Variants in EPHA4 observed in about 807,000 individuals in gnomAD.
EPHA4 encodes EPH receptor A4.
A neutral mutation model predicts 108.3 loss-of-function variants in EPHA4; 19 were observed. The observed-to-expected ratio is 0.18, with a 90% confidence interval of 0.12 to 0.26. EPHA4 has a LOEUF of 0.26. EPHA4 is among the 10% of genes least tolerant of loss of function. The pLI is 1.00. For missense variants in EPHA4, 917 were observed against 1,254.0 expected (o/e 0.73, Z 4.06); for synonymous variants, 449 against 455.5 (o/e 0.99, Z 0.18).
intron 3 of EPHA4, among the ~76,000 whole-genome samples, chr2:221,530,717 T>G (rs1260029230): frequency 1.3e-5 from 2 of 152,206 alleles, no homozygotes; most frequent in Non-Finnish European, 2.9e-5. Flanking sequence ...AATTCTGTTC[T>G]CTGGCTCCAT....
chr2:221,426,190 A>G (rs1689903287), intron 16 of EPHA4, 48 bp from the exon 17 acceptor site: 1 of 1,502,428 alleles, frequency 6.7e-7, no homozygotes, highest in African/African-American at 1.4e-5. Context: ...ACAGGGACTG[A>G]CAATCTCTTT....
intron 3 of EPHA4, among the ~76,000 whole-genome samples, chr2:221,554,151 G>A (rs1374939621): frequency 6.6e-6 from 1 of 152,168 alleles, no homozygotes; most frequent in African/African-American, 2.4e-5. Context: ...TGACACCAGG[G>A]AACACACCAT....
intron 5 of EPHA4, among the ~76,000 whole-genome samples, chr2:221,468,515 C>G (rs1419327136): frequency 1.3e-5 from 2 of 152,172 alleles, no homozygotes; most frequent in African/African-American, 4.8e-5. Context: ...AGCTGCTAAT[C>G]GTCCTGCTGT....
At chr2:221,523,319 C>T (rs1238182971) in intron 3 of EPHA4, among the ~76,000 whole-genome samples, 1 of 151,950 alleles carries the variant, frequency 6.6e-6, no homozygotes, top group Non-Finnish European at 1.5e-5. Flanking sequence ...CGCAGTTTCC[C>T]TCTTGTTGCC....
intron 3 of EPHA4, among the ~76,000 whole-genome samples, chr2:221,515,147 G>A (rs1236097923): frequency 6.6e-6 from 1 of 152,172 alleles, no homozygotes; most frequent in Non-Finnish European, 1.5e-5. Context: ...CCAGGCTGGA[G>A]TACAATGGCA....
At chr2:221,541,847 C>T (rs964492325) in intron 3 of EPHA4, among the ~76,000 whole-genome samples, 2 of 152,174 alleles carry the variant, frequency 1.3e-5, no homozygotes, top group Admixed American at 6.5e-5. Flanking sequence ...GGCACCCAGA[C>T]GTTACCAAAT....
chr2:221,572,862 T>C (rs1694892277), upstream of EPHA4: 2 of 152,464 alleles, frequency 1.3e-5, no homozygotes, highest in African/African-American at 4.8e-5. Context: ...TGAAATACTC[T>C]TTGCGGGGAG....
chr2:221,463,144 T>G (rs1200087751), intron 5 of EPHA4, among the ~76,000 whole-genome samples: 1 of 152,184 alleles, frequency 6.6e-6, no homozygotes, highest in Non-Finnish European at 1.5e-5. Flanking sequence ...GCAGTCATAG[T>G]GTGGGCGAGC....
chr2:221,561,843 A>G (rs1403674915), intron 3 of EPHA4, among the ~76,000 whole-genome samples: 1 of 152,230 alleles, frequency 6.6e-6, no homozygotes, highest in Non-Finnish European at 1.5e-5. Context: ...GAGAGTGAAC[A>G]TTTTAGCAGG....
chr2:221,436,392 T>C lies in EPHA4; in HGVS notation c.2346+7A>G. On this transcript the variant is annotated splice_region_variant and intron_variant, in intron 13 of 17. Coordinates refer to ENST00000281821, the MANE Select transcript of EPHA4 (RefSeq NM_004438.5). The stretch of plus-strand genomic sequence containing the variant: ...GTGAAAGCCCAGATGTCACCGATCT[T>C]TCTTACCCTGGTGGTGTAAGCTGCT... 1 of 1,613,782 alleles carries C rather than the reference T, an allele frequency of 6.2e-7. No individual in the cohort carries two copies. Among genetic ancestry groups the C allele is most frequent in the Non-Finnish European group, 8.5e-7 (1 of 1,179,684 alleles).
chr2:221,478,337 G>A (rs993212232), intron 5 of EPHA4, among the ~76,000 whole-genome samples: 3 of 152,160 alleles, frequency 2.0e-5, no homozygotes, highest in African/African-American at 7.2e-5. Context: ...GTCCACTTAA[G>A]TGAAAGTAAA....
intron 11 of EPHA4, among the ~76,000 whole-genome samples, chr2:221,437,908 G>C (rs993231313): frequency 6.6e-6 from 1 of 151,194 alleles, no homozygotes; most frequent in East Asian, 1.9e-4. Flanking sequence ...GGGGGGCGAC[G>C]ATACAGAGAC....
intron 8 of EPHA4, among the ~76,000 whole-genome samples, chr2:221,455,013 C>T (rs892369262): frequency 6.6e-6 from 1 of 152,196 alleles, no homozygotes; most frequent in African/African-American, 2.4e-5. Flanking sequence ...GTGACCATTA[C>T]TGTTAACCAA....
intron 5 of EPHA4, among the ~76,000 whole-genome samples, chr2:221,475,940 C>T (rs1691642016): frequency 6.6e-6 from 1 of 152,152 alleles, no homozygotes; most frequent in South Asian, 2.1e-4. Flanking sequence ...ATCATTTGGC[C>T]AGGTGAGGTG....
At chr2:221,517,188 G>T (rs530788497) in intron 3 of EPHA4, among the ~76,000 whole-genome samples, 1 of 152,136 alleles carries the variant, frequency 6.6e-6, no homozygotes, top group Non-Finnish European at 1.5e-5. Flanking sequence ...GTTCATAGGG[G>T]ATCTCAATTA....
At chr2:221,453,278 A>C (rs1318471008) in intron 8 of EPHA4, among the ~76,000 whole-genome samples, 1 of 152,200 alleles carries the variant, frequency 6.6e-6, no homozygotes, top group Non-Finnish European at 1.5e-5. Context: ...ACCTTTAAAC[A>C]TCTTTATTTT....
intron 3 of EPHA4, among the ~76,000 whole-genome samples, chr2:221,505,242 G>C (rs1009295888): frequency 1.3e-5 from 2 of 152,056 alleles, no homozygotes; most frequent in African/African-American, 4.8e-5. Flanking sequence ...CTAATAATTT[G>C]TATATGGATT....
At chr2:221,569,097 G>A (rs1057177545) in intron 1 of EPHA4, among the ~76,000 whole-genome samples, 5 of 152,202 alleles carry the variant, frequency 3.3e-5, no homozygotes, top group Non-Finnish European at 7.3e-5. Flanking sequence ...ATACATCTAT[G>A]TAGAGCAGTT....
intron 14 of EPHA4, among the ~76,000 whole-genome samples, chr2:221,430,951 G>A (rs1167057372): frequency 6.6e-6 from 1 of 152,158 alleles, no homozygotes; most frequent in Non-Finnish European, 1.5e-5. Context: ...TCCTTGCCTA[G>A]TAAGTCATAA....
Sources: gnomAD v4.1 joint callset for allele counts (sites outside exome capture counted in the v4.1 genomes callset) on GRCh38, gnomAD v4.1.1 for gene constraint, MANE v1.5 for transcripts, NCBI Gene and HGNC (gene_info 2026-07-23, HGNC 2026-07-21) for gene names.